BOD1L1: variants seen among roughly 807,000 people sequenced by gnomAD.
The protein encoded by BOD1L1 is biorientation of chromosomes in cell division protein 1-like 1.
A neutral mutation model predicts 240.7 loss-of-function variants in BOD1L1; 86 were observed. That is an observed-to-expected ratio of 0.36 (90% CI 0.30 to 0.43). The LOEUF is 0.43. Ranked by LOEUF, BOD1L1 falls within the 20% of genes least tolerant of loss-of-function variation. The pLI is 1.00. For missense variants in BOD1L1, 3,554 were observed against 3,643.5 expected, an observed-to-expected ratio of 0.98 and a Z score of 0.63; for synonymous variants, 1,268 against 1,272.3, an observed-to-expected ratio of 1.00 and a Z score of 0.07.
chr4:13,596,315 T>C (rs987583276), intron 11 of BOD1L1, among the ~76,000 whole-genome samples: 3 of 152,118 alleles, frequency 2.0e-5, no homozygotes, highest in Non-Finnish European at 4.4e-5. Context: ...TCTCTGAGTC[T>C]AGAACACAAC....
At chr4:13,620,643 G>A (rs1198896705) in intron 1 of BOD1L1, among the ~76,000 whole-genome samples, 1 of 152,164 alleles carries the variant, frequency 6.6e-6, no homozygotes, top group Non-Finnish European at 1.5e-5. Flanking sequence ...GAATTACAGG[G>A]TAGAGAATGG....
chr4:13,620,088 G>GT, intron 1 of BOD1L1, 21 bp from the exon 2 acceptor site: 1 of 1,584,136 alleles, frequency 6.3e-7, no homozygotes, highest in Non-Finnish European at 8.6e-7. Flanking sequence ...AAAAACGAAG[G>GT]TAAGTCTTCA....
intron 16 of BOD1L1, 78 bp from the exon 17 acceptor site, chr4:13,586,553 T>A: frequency 1.1e-6 from 1 of 881,420 alleles, no homozygotes. Context: ...ATTTTAAGAC[T>A]GTTTGAGCCT....
rs757055584 is a variant in BOD1L1, at chr4:13,627,334, G to A, written c.243+11C>T. 32 of 1,294,748 alleles carry A rather than the reference G, an allele frequency of 2.5e-5. No individual in the cohort carries two copies. Among genetic ancestry groups the A allele is most frequent in the Admixed American group, 3.2e-5 (1 of 30,926 alleles). 80.2% of individuals were successfully genotyped at this position (1,294,748 alleles called of 1,614,324 possible). On this transcript the variant is annotated intron_variant, in intron 1 of 25. Transcript: ENST00000040738. Reference sequence around the variant, plus strand: ...TCCCTCGCAGACCCCCAAACCCGGCGCGCTCCTAACCTTGGTGTCCACGTC... The same window carrying A: ...TCCCTCGCAGACCCCCAAACCCGGCACGCTCCTAACCTTGGTGTCCACGTC...
At chr4:13,605,305 G>A (rs1715603684) in intron 9 of BOD1L1, among the ~76,000 whole-genome samples, 1 of 151,912 alleles carries the variant, frequency 6.6e-6, no homozygotes, top group South Asian at 2.1e-4. Flanking sequence ...AGAACTAACA[G>A]GAGTTTGCAA....
chr4:13,583,196 A>G (rs1235508155), intron 17 of BOD1L1, among the ~76,000 whole-genome samples: 2 of 152,188 alleles, frequency 1.3e-5, no homozygotes, highest in African/African-American at 4.8e-5. Context: ...ATCTTTCAGC[A>G]ATTAAATTAT....
chr4:13,615,538 A>G, intron 2 of BOD1L1, 36 bp from the exon 3 acceptor site: 1 of 1,537,582 alleles, frequency 6.5e-7, no homozygotes, highest in South Asian at 1.2e-5. Flanking sequence ...AGGTGAAAAA[A>G]TAATATATTA....
intron 2 of BOD1L1, among the ~76,000 whole-genome samples, chr4:13,619,020 T>C (rs963682437): frequency 2.6e-5 from 4 of 152,060 alleles, no homozygotes; most frequent in Non-Finnish European, 5.9e-5. Context: ...TTGCAAATAT[T>C]TACATTCAAG....
chr4:13,624,808 C>G (rs970818391), intron 1 of BOD1L1: 1 of 152,164 alleles, frequency 6.6e-6, no homozygotes, highest in African/African-American at 2.4e-5. Context: ...TGTCTTCATT[C>G]TTAAATATGC....
chr4:13,589,764 G>A (rs1347639057), intron 14 of BOD1L1, among the ~76,000 whole-genome samples: 3 of 152,162 alleles, frequency 2.0e-5, no homozygotes, highest in Non-Finnish European at 4.4e-5. Context: ...ACTAGGTTGG[G>A]GGCACATAGG....
At chr4:13,585,918 G>A (rs1385489952) in intron 17 of BOD1L1, among the ~76,000 whole-genome samples, 1 of 152,112 alleles carries the variant, frequency 6.6e-6, no homozygotes, top group Admixed American at 6.5e-5. Flanking sequence ...CCAGCCATGC[G>A]GAACCGTGAG....
At chr4:13,571,235 A>G (rs1267779227) in intron 25 of BOD1L1, among the ~76,000 whole-genome samples, 1 of 152,198 alleles carries the variant, frequency 6.6e-6, no homozygotes, top group Admixed American at 6.5e-5. Flanking sequence ...GCCTAGTGCA[A>G]TGCCCAACAC....
At chr4:13,587,904 G>A in intron 15 of BOD1L1, 133 bp from the exon 16 acceptor site, 1 of 621,894 alleles carries the variant, frequency 1.6e-6, no homozygotes, top group Non-Finnish European at 2.7e-6. Context: ...TAGAACACTT[G>A]GCCGGGTGCA....
rs1232190776 is a variant in BOD1L1, at chr4:13,600,003, T to C, written c.6897A>G (p.Glu2299=). The stretch of plus-strand genomic sequence containing the variant: ...CACCAATCATGACTGCTTCACACCC[T>C]TCAGAGGTGCTTGTGGAAATCATGG... ...DTAMISTSTS[E]GCEAVMIGAV... The change falls in exon 10 of 26, where the codon GAA becomes GAG. Residue 2299 remains glutamate, a synonymous_variant. Coordinates refer to ENST00000040738, the MANE Select transcript of BOD1L1 (RefSeq NM_148894.3). 1.2e-6 allele frequency: 2 copies of C among 1,610,242 alleles called. No individual in the cohort carries two copies. The highest frequency in any genetic ancestry group is 1.7e-5 in the Admixed American group (1 of 59,374).
Position 13,576,738 on chromosome 4 carries a change from A to G in BOD1L1, c.9038+100T>C, listed in dbSNP as rs1017380547. The stretch of plus-strand genomic sequence containing the variant: ...GAAAGGGAAGAACTTCCACTGCAGC[A>G]TGAATGATTCAGTTCAAAGAGAATC... On this transcript the variant is annotated intron_variant, in intron 25 of 25. Transcript: ENST00000040738. 5.7e-6 allele frequency: 8 copies of G among 1,406,268 alleles called. No homozygotes were observed. In the African/African-American group the frequency reaches 1.2e-4, roughly 21 times the overall value. 87.1% of individuals were successfully genotyped at this position (1,406,268 alleles called of 1,614,324 possible).
At chr4:13,584,032 T>C (rs1713442403) in intron 17 of BOD1L1, among the ~76,000 whole-genome samples, 2 of 152,200 alleles carry the variant, frequency 1.3e-5, no homozygotes, top group Non-Finnish European at 2.9e-5. Flanking sequence ...TAACAGGTGA[T>C]GTCAGAGGAG....
intron 25 of BOD1L1, 39 bp downstream of exon 25, chr4:13,576,799 T>A: frequency 6.4e-7 from 1 of 1,572,810 alleles, no homozygotes; most frequent in Non-Finnish European, 8.6e-7. Flanking sequence ...ATGGAGAAGC[T>A]GGTGAAGGTC....
intron 25 of BOD1L1, among the ~76,000 whole-genome samples, chr4:13,573,949 T>C (rs1712473381): frequency 6.6e-6 from 1 of 152,168 alleles, no homozygotes; most frequent in Non-Finnish European, 1.5e-5. Context: ...GTAGCTGGGA[T>C]TACAGGCATG....
At chr4:13,587,814 T>A in intron 15 of BOD1L1, 43 bp from the exon 16 acceptor site, 1 of 1,336,398 alleles carries the variant, frequency 7.5e-7, no homozygotes, top group Non-Finnish European at 1.0e-6. Context: ...AGAATCTTGA[T>A]TCAAATAAAC....
Sources: allele counts gnomAD v4.1 joint callset (sites outside exome capture counted in the v4.1 genomes callset), GRCh38; gene constraint gnomAD v4.1.1; transcripts MANE v1.5; gene names NCBI Gene and HGNC (gene_info 2026-07-23, HGNC 2026-07-21).